The following CACNA1E variants were observed in gnomAD, a reference collection of about 807,000 sequenced individuals.
The protein encoded by CACNA1E is calcium voltage-gated channel subunit alpha1 E, also known as voltage-dependent R-type calcium channel subunit alpha-1E.
Under a neutral mutation model 259.2 loss-of-function variants are expected in CACNA1E, and 40 were observed. The observed-to-expected ratio is 0.15, with a 90% CI of 0.12 to 0.20. The LOEUF (loss-of-function observed/expected upper bound fraction) is 0.20, where lower values mean the gene tolerates loss of function less well. CACNA1E is among the 10% of genes least tolerant of loss of function. The pLI is 1.00. For synonymous variants in CACNA1E, 1,104 were observed against 1,138.5 expected, an observed-to-expected ratio of 0.97 and a Z score of 0.61; for missense variants, 1,874 against 3,040.1, an observed-to-expected ratio of 0.62 and a Z score of 9.02.
intron 2 of CACNA1E, among the ~76,000 whole-genome samples, chr1:181,463,065 A>G (rs1661925443): frequency 6.6e-6 from 1 of 152,178 alleles, no homozygotes; most frequent in African/African-American, 2.4e-5. Flanking sequence ...TATTAGGTAC[A>G]GTAGTTCCCC....
Position 181,757,989 on chromosome 1 carries a change from C to T in CACNA1E, c.4372C>T (p.Arg1458Cys), listed in dbSNP as rs774399787. ...DFAISAKPLT[R>C]YMPQNRHTFQ... ...CGCCATCAGCGCCAAACCTCTCACC[C>T]GCTACATGCCGCAGAACAGACACAC... The change falls in exon 31 of 48, where the codon CGC becomes TGC. Residue 1458 changes from arginine (R) to cysteine (C), a missense_variant. Transcript: ENST00000367573. 3 of 1,613,894 alleles carry T rather than the reference C, an allele frequency of 1.9e-6. No homozygotes were observed. The highest frequency in any genetic ancestry group is 1.7e-5 in the Admixed American group (1 of 60,008).
At chr1:181,441,758 C>T (rs1407371194) in intron 2 of CACNA1E, among the ~76,000 whole-genome samples, 1 of 152,116 alleles carries the variant, frequency 6.6e-6, no homozygotes, top group African/African-American at 2.4e-5. Flanking sequence ...CTGGGATTTG[C>T]GGGCAGCTGT....
chr1:181,715,470 G>T (rs1653802877), intron 9 of CACNA1E, 79 bp downstream of exon 9: 5 of 746,786 alleles, frequency 6.7e-6, no homozygotes, highest in Non-Finnish European at 1.2e-5. Flanking sequence ...TTCAAAAGGA[G>T]AGAAAGAAAT....
At chr1:181,585,230 G>GATAACTTC (rs1186741898) in intron 6 of CACNA1E, among the ~76,000 whole-genome samples, 2 of 152,212 alleles carry the variant, frequency 1.3e-5, no homozygotes, top group African/African-American at 4.8e-5. Flanking sequence ...GAGGAGCTAT[G>GATAACTTC]ATAACTTCTT....
chr1:181,587,580 G>A (rs1652192291), intron 6 of CACNA1E, among the ~76,000 whole-genome samples: 1 of 152,118 alleles, frequency 6.6e-6, no homozygotes, highest in Non-Finnish European at 1.5e-5. Context: ...ATTATAGACC[G>A]TTTTTAAAAT....
chr1:181,596,557 C>CATGTGTGTGTGTGT (rs371621474), intron 6 of CACNA1E, among the ~76,000 whole-genome samples: 1 of 140,490 alleles, frequency 7.1e-6, no homozygotes, highest in Non-Finnish European at 1.5e-5. Flanking sequence ...CCACCATGTA[C>CATGTGTGTGTGTGT]GTGTGTGTGT....
At chr1:181,325,570 G>A (rs1202883541) in intron 1 of CACNA1E, among the ~76,000 whole-genome samples, 1 of 152,230 alleles carries the variant, frequency 6.6e-6, no homozygotes, top group African/African-American at 2.4e-5. Flanking sequence ...ATGCACGTTA[G>A]TTTGGGAACC....
chr1:181,718,667 C>CACACACACACACACACA (rs1654154072), intron 12 of CACNA1E, among the ~76,000 whole-genome samples: 1 of 137,368 alleles, frequency 7.3e-6, no homozygotes, highest in African/African-American at 2.7e-5. Context: ...CACACACACA[C>CACACACACACACACACA]CCTTATATTA....
At chr1:181,467,930 G>A (rs1489799256) in intron 2 of CACNA1E, among the ~76,000 whole-genome samples, 1 of 152,192 alleles carries the variant, frequency 6.6e-6, no homozygotes, top group Non-Finnish European at 1.5e-5. Flanking sequence ...CTACAGGCCA[G>A]GGATGCTGCT....
intron 3 of CACNA1E, among the ~76,000 whole-genome samples, chr1:181,571,640 T>TAG (rs1650423730): frequency 6.6e-6 from 1 of 152,254 alleles, no homozygotes; most frequent in African/African-American, 2.4e-5. Flanking sequence ...TGCCTCCTCA[T>TAG]GGCCTCCTCA....
chr1:181,759,827 T>TCTGGG (rs1291767468), intron 32 of CACNA1E, among the ~76,000 whole-genome samples: 1 of 152,198 alleles, frequency 6.6e-6, no homozygotes, highest in Non-Finnish European at 1.5e-5. Flanking sequence ...TAACAGAGAC[T>TCTGGG]CTGGGCTGGG....
chr1:181,494,955 A>G (rs992155261), intron 1 of CACNA1E, among the ~76,000 whole-genome samples: 5 of 152,194 alleles, frequency 3.3e-5, no homozygotes, highest in African/African-American at 1.2e-4. Context: ...GCCTACTGAC[A>G]TTTCTGTATT....
intron 6 of CACNA1E, among the ~76,000 whole-genome samples, chr1:181,649,531 C>G (rs533556614): frequency 6.6e-6 from 1 of 152,098 alleles, no homozygotes; most frequent in African/African-American, 2.4e-5. Flanking sequence ...ATAAATCATT[C>G]GGTTATAAAA....
At chr1:181,526,246 G>A (rs1667348624) in intron 3 of CACNA1E, among the ~76,000 whole-genome samples, 2 of 151,998 alleles carry the variant, frequency 1.3e-5, no homozygotes, top group Admixed American at 1.3e-4. Flanking sequence ...TACTAGATGA[G>A]GAAACCAGGG....
intron 25 of CACNA1E, among the ~76,000 whole-genome samples, chr1:181,744,553 AACAG>A (rs1343601351): frequency 6.6e-6 from 1 of 152,240 alleles, no homozygotes; most frequent in Non-Finnish European, 1.5e-5. Context: ...GCATAGAAAC[AACAG>A]ACAAACATTT....
intron 40 of CACNA1E, among the ~76,000 whole-genome samples, chr1:181,784,348 C>T (rs1572888951): frequency 6.6e-6 from 1 of 152,134 alleles, no homozygotes; most frequent in Non-Finnish European, 1.5e-5. Context: ...AACGTACTTG[C>T]GGCTATTGTT....
chr1:181,737,692 C>G, intron 23 of CACNA1E, 38 bp downstream of exon 23: 1 of 1,598,246 alleles, frequency 6.3e-7, no homozygotes, highest in Non-Finnish European at 8.5e-7. Context: ...CTCTGTAGTG[C>G]TCTGGTGCTC....
intron 3 of CACNA1E, among the ~76,000 whole-genome samples, chr1:181,517,153 G>T (rs1666647360): frequency 6.6e-6 from 1 of 152,218 alleles, no homozygotes; most frequent in Non-Finnish European, 1.5e-5. Context: ...ACTGGGGAAA[G>T]CTTCTTGAAA....
intron 3 of CACNA1E, among the ~76,000 whole-genome samples, chr1:181,533,544 C>G (rs1377624891): frequency 6.6e-6 from 1 of 151,780 alleles, no homozygotes; most frequent in African/African-American, 2.4e-5. Context: ...TAGTGCCAAT[C>G]TTCCCCTCCA....
Sources: allele counts gnomAD v4.1 joint callset (sites outside exome capture counted in the v4.1 genomes callset), GRCh38; gene constraint gnomAD v4.1.1; transcripts MANE v1.5; gene names NCBI Gene and HGNC (gene_info 2026-07-23, HGNC 2026-07-21).